Variants in CDH13 observed in about 807,000 individuals in gnomAD.
CDH13 encodes cadherin-13.
A neutral mutation model predicts 63.8 loss-of-function variants in CDH13; 24 were observed. The ratio of observed to expected loss-of-function variants is 0.38; its 90% CI spans 0.27 to 0.53. The LOEUF (loss-of-function observed/expected upper bound fraction) is 0.53. Ranked by LOEUF, CDH13 falls within the 20% of genes least tolerant of loss-of-function variation. The probability of loss-of-function intolerance (pLI) is 0.85; values close to 1 mark genes in which losing one functional copy is unlikely to be tolerated. For missense variants in CDH13, 1,049 were observed against 903.1 expected, an observed-to-expected ratio of 1.16 and a Z score of -2.07; for synonymous variants, 503 against 355.3, an observed-to-expected ratio of 1.42 and a Z score of -4.67.
intron 1 of CDH13, among the ~76,000 whole-genome samples, chr16:82,715,728 A>G (rs980699296): frequency 3.1e-4 from 47 of 152,314 alleles, no homozygotes; most frequent in African/African-American, 1.0e-3. Flanking sequence ...AGGAAAGATC[A>G]GAAGAAAGAG....
chr16:82,789,399 A>G lies in CDH13; in HGVS notation c.46-68963A>G, dbSNP rs79834138. ...TGCTCTTTATATCTCACCTTTGATGATACACAGCTCACCTTTGATGGTCAC... is the reference window on the plus strand; with the variant it reads ...TGCTCTTTATATCTCACCTTTGATGGTACACAGCTCACCTTTGATGGTCAC... On this transcript the variant is annotated intron_variant, in intron 1 of 13. Transcript: ENST00000567109. Among the ~76,000 whole-genome samples the G allele has an allele frequency of 5.9e-3, 901 of 152,294 alleles. 27 individuals are homozygous for G. The highest frequency in any genetic ancestry group is 0.049 in the Admixed American group (747 of 15,302).
chr16:82,864,755 T>A (rs1020346389), intron 2 of CDH13, among the ~76,000 whole-genome samples: 1 of 152,164 alleles, frequency 6.6e-6, no homozygotes, highest in African/African-American at 2.4e-5. Context: ...CCCTTTCACA[T>A]TTGAAAACTA....
chr16:83,028,642 G>C (rs553476232), intron 2 of CDH13, among the ~76,000 whole-genome samples: 1 of 152,166 alleles, frequency 6.6e-6, no homozygotes, highest in African/African-American at 2.4e-5. Flanking sequence ...CTATGTTAAA[G>C]TTTAATTTAC....
At chr16:83,576,478 G>A (rs1162160598) in intron 7 of CDH13, among the ~76,000 whole-genome samples, 1 of 152,172 alleles carries the variant, frequency 6.6e-6, no homozygotes, top group Non-Finnish European at 1.5e-5. Flanking sequence ...GTGCATACAT[G>A]TATTTCTTTG....
chr16:82,695,148 G>C (rs1214756529), intron 1 of CDH13, among the ~76,000 whole-genome samples: 1 of 152,066 alleles, frequency 6.6e-6, no homozygotes, highest in Non-Finnish European at 1.5e-5. Context: ...GAGGCTGGTG[G>C]GCCGAGTCCA....
intron 1 of CDH13, among the ~76,000 whole-genome samples, chr16:82,695,909 C>G (rs576390253): frequency 6.6e-6 from 1 of 152,300 alleles, no homozygotes; most frequent in East Asian, 1.9e-4. Context: ...TTTAAAGCAG[C>G]CTTGCAGATA....
chr16:82,955,405 T>G (rs1439910020), intron 2 of CDH13, among the ~76,000 whole-genome samples: 6 of 152,214 alleles, frequency 3.9e-5, no homozygotes, highest in Admixed American at 3.9e-4. Context: ...GTACTTGCTT[T>G]TTACTTATAA....
intron 1 of CDH13, among the ~76,000 whole-genome samples, chr16:82,666,855 C>G (rs773525037): frequency 6.6e-6 from 1 of 152,156 alleles, no homozygotes; most frequent in Non-Finnish European, 1.5e-5. Context: ...CCAAACGATG[C>G]TATGCCACAT....
At chr16:83,305,181 C>G (rs972677676) in intron 5 of CDH13, among the ~76,000 whole-genome samples, 2 of 152,166 alleles carry the variant, frequency 1.3e-5, no homozygotes, top group African/African-American at 2.4e-5. Context: ...CTCTCCTTGT[C>G]TGAGAGCTGA....
At chr16:83,020,168 G>T (rs137989780) in intron 2 of CDH13, among the ~76,000 whole-genome samples, 13 of 152,122 alleles carry the variant, frequency 8.5e-5, no homozygotes, top group African/African-American at 2.9e-4. Context: ...CAAATATGAC[G>T]TCATGCAAAT....
At chr16:83,761,514 T>C (rs1215664265) in intron 11 of CDH13, among the ~76,000 whole-genome samples, 2 of 152,000 alleles carry the variant, frequency 1.3e-5, no homozygotes, top group African/African-American at 2.4e-5. Flanking sequence ...AAAAGGAAAA[T>C]GATGTACAGA....
chr16:83,203,170 G>C (rs997406430), intron 4 of CDH13, among the ~76,000 whole-genome samples: 10 of 152,088 alleles, frequency 6.6e-5, no homozygotes, highest in African/African-American at 2.4e-4. Flanking sequence ...GTTGTGGTGA[G>C]CTGAGGTCGC....
chr16:83,253,251 G>C (rs754152342), intron 5 of CDH13, among the ~76,000 whole-genome samples: 1 of 152,198 alleles, frequency 6.6e-6, no homozygotes, highest in Non-Finnish European at 1.5e-5. Context: ...TATAAGACTT[G>C]TTTGTTGGGG....
chr16:83,431,900 A>T (rs1468148536), intron 6 of CDH13, among the ~76,000 whole-genome samples: 3 of 152,212 alleles, frequency 2.0e-5, no homozygotes, highest in Non-Finnish European at 2.9e-5. Context: ...ATCCATCATT[A>T]CGTGAACTTG....
chr16:83,704,049 A>G (rs1189321753), intron 10 of CDH13, among the ~76,000 whole-genome samples: 3 of 152,240 alleles, frequency 2.0e-5, no homozygotes, highest in South Asian at 4.1e-4. Flanking sequence ...GAAAATGACA[A>G]GAACCCTTCA....
At chr16:83,243,524 G>A (rs1904686274) in intron 5 of CDH13, among the ~76,000 whole-genome samples, 1 of 152,160 alleles carries the variant, frequency 6.6e-6, no homozygotes, top group African/African-American at 2.4e-5. Context: ...TACATTTCAA[G>A]ATGAGATTTG....
chr16:83,033,184 A>G (rs533835046), intron 3 of CDH13, among the ~76,000 whole-genome samples: 11 of 152,156 alleles, frequency 7.2e-5, no homozygotes, highest in African/African-American at 2.7e-4. Context: ...CTCAAAGCTA[A>G]CCTGCCCAAC....
chr16:82,941,850 AC>A (rs1904291407), intron 2 of CDH13, among the ~76,000 whole-genome samples: 1 of 152,140 alleles, frequency 6.6e-6, no homozygotes, highest in Admixed American at 6.6e-5. Context: ...TTATATTCAT[AC>A]CCAGGAAGTT....
At chr16:83,018,139 C>A (rs938791137) in intron 2 of CDH13, among the ~76,000 whole-genome samples, 6 of 152,138 alleles carry the variant, frequency 3.9e-5, no homozygotes, top group Non-Finnish European at 7.4e-5. Flanking sequence ...ACAAGTAAAC[C>A]TTTGCACTAT....
Sources: gnomAD v4.1 joint callset for allele counts (sites outside exome capture counted in the v4.1 genomes callset) on GRCh38, gnomAD v4.1.1 for gene constraint, MANE v1.5 for transcripts, NCBI Gene and HGNC (gene_info 2026-07-23, HGNC 2026-07-21) for gene names.